GAB2: variants seen among roughly 807,000 people sequenced by gnomAD.
GAB2 encodes GRB2 associated binding protein 2.
Under a neutral mutation model 65.5 loss-of-function variants are expected in GAB2, and 26 were observed. The observed-to-expected ratio is 0.40, with a 90% CI of 0.29 to 0.55. GAB2 has a LOEUF of 0.55. Ranked by LOEUF, GAB2 falls within the 20% of genes least tolerant of loss-of-function variation. GAB2 has a pLI of 0.53. For missense variants in GAB2, 884 were observed against 875.8 expected (o/e 1.01, Z -0.12); for synonymous variants, 321 against 329.6 (o/e 0.97, Z 0.28).
chr11:78,225,309 T>TA, intron 4 of GAB2, 107 bp from the exon 5 acceptor site: 1 of 695,398 alleles, frequency 1.4e-6, no homozygotes, highest in Non-Finnish European at 2.5e-6. Flanking sequence ...CTCCAGAAGA[T>TA]ACTACTCTCA....
chr11:78,236,181 A>G (rs1259629956), intron 3 of GAB2, among the ~76,000 whole-genome samples: 1 of 152,222 alleles, frequency 6.6e-6, no homozygotes, highest in Non-Finnish European at 1.5e-5. Context: ...TTTATTCCCA[A>G]GTATTCCACG....
At chr11:78,333,741 CTCTTA>C (rs150010512) in intron 1 of GAB2, among the ~76,000 whole-genome samples, 5,086 of 152,260 alleles carry the variant, frequency 0.033, 231 homozygotes, top group African/African-American at 0.11. Context: ...CTTACTGCTG[CTCTTA>C]TCTTCACTGA....
At chr11:78,353,113 T>G (rs1856305307) in intron 1 of GAB2, among the ~76,000 whole-genome samples, 1 of 152,134 alleles carries the variant, frequency 6.6e-6, no homozygotes, top group African/African-American at 2.4e-5. Context: ...GTGTATCTTC[T>G]CCAGCCCTAC....
chr11:78,375,108 A>C (rs1374687703), intron 1 of GAB2, among the ~76,000 whole-genome samples: 1 of 152,190 alleles, frequency 6.6e-6, no homozygotes, highest in African/African-American at 2.4e-5. Flanking sequence ...GCAATTGCAC[A>C]ATCATAGCTC....
chr11:78,290,776 A>G (rs1866643369), intron 1 of GAB2, among the ~76,000 whole-genome samples: 1 of 152,214 alleles, frequency 6.6e-6, no homozygotes, highest in South Asian at 2.1e-4. Flanking sequence ...AACAAGTACC[A>G]GCAGGAGCAG....
chr11:78,374,147 G>A (rs1591072519), intron 1 of GAB2, among the ~76,000 whole-genome samples: 1 of 152,126 alleles, frequency 6.6e-6, no homozygotes, highest in African/African-American at 2.4e-5. Flanking sequence ...CATTCTAACA[G>A]CTTGACTGAA....
At chr11:78,395,789 A>T (rs1355918767) in intron 1 of GAB2, among the ~76,000 whole-genome samples, 1 of 152,246 alleles carries the variant, frequency 6.6e-6, no homozygotes, top group African/African-American at 2.4e-5. Context: ...TAAAGCTCAG[A>T]AAGATTAAGA....
In GAB2 at chr11:78,242,992, G is replaced by A. The variant is rs532423780; in HGVS notation, c.620+7165C>T. ...AGCCTGGCCAACATGGTGAAACTCCGTCTCTACTAAAAATACAAATATTAG... is the reference window on the plus strand; with the variant it reads ...AGCCTGGCCAACATGGTGAAACTCCATCTCTACTAAAAATACAAATATTAG... On this transcript the variant is annotated intron_variant, in intron 3 of 9. Transcript: ENST00000361507. Among the ~76,000 whole-genome samples, 9 of 151,842 alleles carry A rather than the reference G, an allele frequency of 5.9e-5. No individual in the cohort carries two copies. The South Asian group carries it at 6.2e-4, about 11-fold the overall frequency.
intron 2 of GAB2, among the ~76,000 whole-genome samples, chr11:78,254,749 T>C (rs943890362): frequency 1.3e-5 from 2 of 151,844 alleles, no homozygotes; most frequent in Non-Finnish European, 2.9e-5. Context: ...CAGTGGGCTA[T>C]GATCGCGCCA....
chr11:78,377,616 T>G (rs2134735045), intron 1 of GAB2, among the ~76,000 whole-genome samples: 1 of 152,320 alleles, frequency 6.6e-6, no homozygotes, highest in East Asian at 1.9e-4. Context: ...CCTATTATGC[T>G]TTGGAGACAA....
intron 3 of GAB2, among the ~76,000 whole-genome samples, chr11:78,246,282 A>G (rs944742289): frequency 2.0e-5 from 3 of 152,084 alleles, no homozygotes; most frequent in East Asian, 1.9e-4. Flanking sequence ...CCTTTATTAC[A>G]TGGAATGTTG....
Position 78,357,953 on chromosome 11 carries a change from C to T in GAB2, c.75+59693G>A, listed in dbSNP as rs542242252. Among the ~76,000 whole-genome samples, 9 of 152,182 alleles carry T rather than the reference C, an allele frequency of 5.9e-5. No individual in the cohort carries two copies. The South Asian group carries it at 1.7e-3, about 28-fold the overall frequency. ...AGCCATCCCATTACTGGGTATATAC[C>T]CAAAGGATTATAAATCTTGCTGCTA... is the stretch of plus-strand genomic sequence containing the variant. On this transcript the variant is annotated intron_variant, in intron 1 of 9. Transcript: ENST00000361507.
chr11:78,255,427 G>A (rs1385298768), intron 2 of GAB2, among the ~76,000 whole-genome samples: 1 of 152,122 alleles, frequency 6.6e-6, no homozygotes, highest in African/African-American at 2.4e-5. Context: ...ATCAAACAAG[G>A]TTTTCTTGCT....
chr11:78,334,226 G>C (rs1363513830), intron 1 of GAB2, among the ~76,000 whole-genome samples: 3 of 152,064 alleles, frequency 2.0e-5, no homozygotes, highest in Non-Finnish European at 4.4e-5. Flanking sequence ...CCATCCCCTT[G>C]AGCATTTATC....
chr11:78,414,297 A>G (rs1229469391), intron 1 of GAB2, among the ~76,000 whole-genome samples: 1 of 152,132 alleles, frequency 6.6e-6, no homozygotes, highest in East Asian at 1.9e-4. Flanking sequence ...CACCTGATCC[A>G]GTGCCTGGGA....
intron 1 of GAB2, among the ~76,000 whole-genome samples, chr11:78,313,194 T>G (rs1230480526): frequency 6.6e-6 from 1 of 151,368 alleles, no homozygotes; most frequent in Non-Finnish European, 1.5e-5. Flanking sequence ...ACTCTAAAGC[T>G]TTTTTTTTCC....
chr11:78,267,450 T>C (rs895278418), intron 2 of GAB2, among the ~76,000 whole-genome samples: 1 of 152,122 alleles, frequency 6.6e-6, no homozygotes, highest in African/African-American at 2.4e-5. Context: ...TTGTGCACTT[T>C]TAGAAATGGA....
At chr11:78,376,341 A>G (rs1009717227) in intron 1 of GAB2, among the ~76,000 whole-genome samples, 9 of 152,232 alleles carry the variant, frequency 5.9e-5, no homozygotes, top group African/African-American at 1.9e-4. Flanking sequence ...ACACTGAGAC[A>G]GTACTTGCTG....
intron 1 of GAB2, among the ~76,000 whole-genome samples, chr11:78,292,702 C>T (rs1265531669): frequency 6.6e-6 from 1 of 152,184 alleles, no homozygotes; most frequent in Admixed American, 6.5e-5. Flanking sequence ...AGGCACACTT[C>T]CTGAGCGAGG....
Sources: allele counts gnomAD v4.1 joint callset (sites outside exome capture counted in the v4.1 genomes callset), GRCh38; gene constraint gnomAD v4.1.1; transcripts MANE v1.5; gene names NCBI Gene and HGNC (gene_info 2026-07-23, HGNC 2026-07-21).